Variants in MAP3K20 observed in about 807,000 individuals in gnomAD.
MAP3K20 encodes HCCS-4.
In MAP3K20, 40 loss-of-function variants were observed where a neutral mutation model predicts 85.7. That is an observed-to-expected ratio of 0.47 (90% CI 0.36 to 0.61). The LOEUF (loss-of-function observed/expected upper bound fraction) is 0.61, where lower values mean the gene tolerates loss of function less well. MAP3K20 is among the 20% of genes least tolerant of loss of function. MAP3K20 has a pLI of 0.00. For missense variants in MAP3K20, 817 were observed against 961.7 expected (o/e 0.85, Z 1.99); for synonymous variants, 325 against 327.7 (o/e 0.99, Z 0.09).
chr2:173,092,349 A>G (rs1243721798), intron 2 of MAP3K20, among the ~76,000 whole-genome samples: 2 of 152,226 alleles, frequency 1.3e-5, no homozygotes, highest in African/African-American at 2.4e-5. Flanking sequence ...CCATTTCTCA[A>G]TCAATAAAAA....
At chr2:173,098,043 A>C (rs1687513632) in intron 2 of MAP3K20, among the ~76,000 whole-genome samples, 1 of 152,172 alleles carries the variant, frequency 6.6e-6, no homozygotes, top group African/African-American at 2.4e-5. Flanking sequence ...GTGCTATTTT[A>C]AATATTTCCC....
intron 16 of MAP3K20, among the ~76,000 whole-genome samples, chr2:173,252,387 G>C (rs1685059924): frequency 6.6e-6 from 1 of 152,170 alleles, no homozygotes; most frequent in East Asian, 1.9e-4. Flanking sequence ...TCCTGAAGCA[G>C]TTCAGATAGA....
At chr2:173,194,882 C>A (rs923193786) in intron 7 of MAP3K20, among the ~76,000 whole-genome samples, 2 of 152,120 alleles carry the variant, frequency 1.3e-5, no homozygotes, top group African/African-American at 2.4e-5. Flanking sequence ...CCAGCCCTCC[C>A]CAGGTTGATA....
intron 16 of MAP3K20, among the ~76,000 whole-genome samples, chr2:173,256,572 T>C (rs1267444771): frequency 1.3e-5 from 2 of 151,932 alleles, no homozygotes; most frequent in African/African-American, 4.8e-5. Flanking sequence ...GCATTTATGG[T>C]CCAGGGGTCA....
intron 2 of MAP3K20, among the ~76,000 whole-genome samples, chr2:173,116,471 A>G (rs1016866145): frequency 6.6e-6 from 1 of 152,246 alleles, no homozygotes; most frequent in East Asian, 1.9e-4. Context: ...TGAGTATGTT[A>G]TCTTTGACTG....
chr2:173,167,624 T>C (rs917797826), intron 2 of MAP3K20, among the ~76,000 whole-genome samples: 2 of 152,196 alleles, frequency 1.3e-5, no homozygotes, highest in East Asian at 1.9e-4. Context: ...AACAAGGGGA[T>C]AGAGGATAAT....
intron 11 of MAP3K20, chr2:173,227,147 T>C: frequency 1.0e-6 from 1 of 985,524 alleles, no homozygotes; most frequent in Non-Finnish European, 1.2e-6. Flanking sequence ...TGACAGTAAA[T>C]CCCTTTGTTA....
intron 2 of MAP3K20, among the ~76,000 whole-genome samples, chr2:173,093,438 T>C (rs1293388969): frequency 2.6e-5 from 4 of 152,186 alleles, no homozygotes; most frequent in African/African-American, 9.6e-5. Flanking sequence ...AGAAAATATA[T>C]ACCAAACTCT....
chr2:173,164,396 A>T (rs185457710), intron 2 of MAP3K20, among the ~76,000 whole-genome samples: 1 of 152,128 alleles, frequency 6.6e-6, no homozygotes, highest in East Asian at 1.9e-4. Flanking sequence ...CTACTTTTTA[A>T]TGGGGTTGTT....
chr2:173,222,310 G>A lies in MAP3K20; in HGVS notation c.987+5060G>A, dbSNP rs532931153. ...TGCTCTTCAGAAATACCTAAGTGCT[G>A]AGAATTTTTAGTACTAAAGAGCACA... On this transcript the variant is annotated intron_variant, in intron 11 of 19. Transcript: ENST00000375213. 4 of 985,894 alleles carry A rather than the reference G, an allele frequency of 4.1e-6. No individual in the cohort carries two copies. In the South Asian group the frequency reaches 1.9e-4, roughly 46 times the overall value. The allele number at this position is 985,894 out of a possible 1,614,324, so 61.1% of individuals were successfully genotyped here. A position where few individuals can be genotyped will look rare whatever the true frequency, so the allele number is the denominator to read the frequency against.
At chr2:173,196,757 G>A (rs149940425) in intron 7 of MAP3K20, among the ~76,000 whole-genome samples, 17 of 152,240 alleles carry the variant, frequency 1.1e-4, no homozygotes, top group Middle Eastern at 3.4e-3. Flanking sequence ...TAAAACAAGG[G>A]AAATCTGAGT....
chr2:173,088,370 T>G (rs1687199506), intron 1 of MAP3K20, among the ~76,000 whole-genome samples: 1 of 152,240 alleles, frequency 6.6e-6, no homozygotes, highest in African/African-American at 2.4e-5. Flanking sequence ...TTTGGGCAAG[T>G]ATGCCATGCT....
chr2:173,169,592 T>C (rs1689942301), intron 2 of MAP3K20, among the ~76,000 whole-genome samples: 1 of 151,300 alleles, frequency 6.6e-6, no homozygotes, highest in Non-Finnish European at 1.5e-5. Context: ...TAGTGGTGTG[T>C]GCCTGTAGTC....
chr2:173,169,912 CTTCT>C lies in MAP3K20; in HGVS notation c.247+27_247+30del. ...TCACAGGTAAGAATTCAGTGTTTGACTTCTTTCTTTTTCCAATTACCTAGCTTTA... is the reference window on the plus strand; with the variant it reads ...TCACAGGTAAGAATTCAGTGTTTGACTTCTTTTTCCAATTACCTAGCTTTA... On this transcript the variant is annotated intron_variant, in intron 3 of 19. Coordinates refer to ENST00000375213, the MANE Select transcript of MAP3K20 (RefSeq NM_016653.3). The C allele has an allele frequency of 1.2e-6, 2 of 1,603,852 alleles. No homozygotes were observed. Among genetic ancestry groups the C allele is most frequent in the East Asian group, 2.2e-5 (1 of 44,722 alleles).
chr2:173,258,592 A>C, intron 16 of MAP3K20, 107 bp from the exon 17 acceptor site: 1 of 609,114 alleles, frequency 1.6e-6, no homozygotes. Context: ...AAAAAAAGCC[A>C]CTCCAATAAT....
chr2:173,197,085 C>T (rs956220692), intron 7 of MAP3K20, among the ~76,000 whole-genome samples: 16 of 151,996 alleles, frequency 1.1e-4, no homozygotes, highest in African/African-American at 3.4e-4. Context: ...ACTCAATAAG[C>T]GGTGGTGGTT....
intron 2 of MAP3K20, among the ~76,000 whole-genome samples, chr2:173,143,909 C>T (rs1037023662): frequency 1.3e-5 from 2 of 151,990 alleles, no homozygotes; most frequent in African/African-American, 4.8e-5. Flanking sequence ...TTTACATTAG[C>T]ATTAAACACA....
chr2:173,161,287 C>G (rs1689650504), intron 2 of MAP3K20, among the ~76,000 whole-genome samples: 1 of 152,204 alleles, frequency 6.6e-6, no homozygotes, highest in South Asian at 2.1e-4. Context: ...GAACATAACT[C>G]TGAACTGTGC....
Position 173,134,893 on chromosome 2 carries a change from G to A in MAP3K20, c.160-34912G>A, listed in dbSNP as rs1688756213. On this transcript the variant is annotated intron_variant, in intron 2 of 19. Coordinates refer to ENST00000375213, the MANE Select transcript of MAP3K20 (RefSeq NM_016653.3). ...AGGAAGTGGTTTAAAGTGTGGATTCGGGCGTCAGACCCATGTTGAAATCCC... is the reference window on the plus strand; with the variant it reads ...AGGAAGTGGTTTAAAGTGTGGATTCAGGCGTCAGACCCATGTTGAAATCCC... Among the ~76,000 whole-genome samples the A allele has an allele frequency of 2.0e-5, 3 of 151,798 alleles. 1 individual carries two copies. Among genetic ancestry groups the A allele is most frequent in the Admixed American group, 1.3e-4 (2 of 15,224 alleles).
Sources: allele counts gnomAD v4.1 joint callset (sites outside exome capture counted in the v4.1 genomes callset), GRCh38; gene constraint gnomAD v4.1.1; transcripts MANE v1.5; gene names NCBI Gene and HGNC (gene_info 2026-07-23, HGNC 2026-07-21).